The following LRRIQ1 variants were observed in gnomAD, a reference collection of about 807,000 sequenced individuals.
The protein encoded by LRRIQ1 is leucine-rich repeat- and IQ domain-containing protein 1.
LRRIQ1 carries 210 observed loss-of-function variants against 211.9 expected under a neutral mutation model. That is an observed-to-expected ratio of 0.99 (90% CI 0.89 to 1.11). The LOEUF is 1.11. LRRIQ1 is among the 50% of genes most tolerant of loss of function. The pLI, the probability that LRRIQ1 is intolerant of heterozygous loss-of-function variation, is 0.00. For missense variants in LRRIQ1, 2,136 were observed against 1,939.5 expected (o/e 1.10, Z -1.90); for synonymous variants, 699 against 650.1 (o/e 1.08, Z -1.14).
chr12:85,185,497 ATTTATAC>A (rs1565890063), intron 24 of LRRIQ1, among the ~76,000 whole-genome samples: 2 of 151,926 alleles, frequency 1.3e-5, no homozygotes, highest in Admixed American at 6.6e-5. Context: ...CAGAAATAAA[ATTTATAC>A]CATAATAATA....
At position 85,121,848 on chromosome 12, in the gene LRRIQ1, C is replaced by T. The variant is rs1592836237; in HGVS notation, c.3529C>T (p.Leu1177=). The change falls in exon 16 of 27, where the codon CTA becomes TTA. Residue 1177 remains leucine (L), a synonymous_variant. Transcript: ENST00000393217. ...CQSQIREFNL[L]IENYITGKGD... is the part of the protein sequence containing the mutation. ...GTCTCAGATTCGAGAATTCAACTTG[C>T]TAATTGAAAATTATATAACTGGAAA... 6.2e-7 allele frequency: 1 copy of T among 1,606,024 alleles called. No individual in the cohort carries two copies. Among genetic ancestry groups the T allele is most frequent in the East Asian group, 2.2e-5 (1 of 44,560 alleles).
chr12:85,071,207 C>T lies in LRRIQ1; in HGVS notation c.2696-1700C>T, dbSNP rs184912212. ...ATGTGGAATTTTTGTATAATATGTA[C>T]ATATATAATACGTAAAACATATATA... On this transcript the variant is annotated intron_variant, in intron 10 of 26. Transcript: ENST00000393217. Among the ~76,000 whole-genome samples, 844 of 151,872 alleles carry T rather than the reference C, an allele frequency of 5.6e-3. 5 individuals are homozygous for T. Among genetic ancestry groups the T allele is most frequent in the Non-Finnish European group, 6.8e-3 (464 of 67,882 alleles).
At chr12:85,209,913 G>A (rs1893754487) in intron 24 of LRRIQ1, among the ~76,000 whole-genome samples, 1 of 151,930 alleles carries the variant, frequency 6.6e-6, no homozygotes, top group African/African-American at 2.4e-5. Context: ...AAAGCCCATG[G>A]TATTTCCACT....
At chr12:85,152,407 G>C (rs1890303445) in intron 20 of LRRIQ1, 38 bp downstream of exon 20, 1 of 1,502,220 alleles carries the variant, frequency 6.7e-7, no homozygotes, top group African/African-American at 1.4e-5. Flanking sequence ...CTCGATCTTT[G>C]CTCATTTCTT....
At chr12:85,157,294 TGGA>T (rs957389356) in intron 23 of LRRIQ1, among the ~76,000 whole-genome samples, 2 of 151,534 alleles carry the variant, frequency 1.3e-5, no homozygotes, top group African/African-American at 4.8e-5. Context: ...AGGAGGAGGG[TGGA>T]GAAGGAAGAG....
At chr12:85,205,140 G>A (rs528970665) in intron 24 of LRRIQ1, among the ~76,000 whole-genome samples, 5 of 152,112 alleles carry the variant, frequency 3.3e-5, no homozygotes, top group African/African-American at 7.2e-5. Flanking sequence ...CTCTTTGCCC[G>A]CTGCCATCCA....
intron 10 of LRRIQ1, 28 bp from the exon 11 acceptor site, chr12:85,072,879 T>C (rs1001502679): frequency 2.0e-6 from 3 of 1,523,022 alleles, no homozygotes; most frequent in Non-Finnish European, 1.8e-6. Context: ...TCTTATATAT[T>C]TGGTCTTAAT....
intron 18 of LRRIQ1, among the ~76,000 whole-genome samples, chr12:85,130,606 A>G (rs1888682457): frequency 6.6e-6 from 1 of 152,174 alleles, no homozygotes; most frequent in African/African-American, 2.4e-5. Flanking sequence ...TCTCTTTTGT[A>G]CATCCTATTA....
chr12:85,162,806 C>T, intron 24 of LRRIQ1: 1 of 455,868 alleles, frequency 2.2e-6, no homozygotes, highest in Non-Finnish European at 4.4e-6. Context: ...AGGTAAAGTA[C>T]ATTTGGCATT....
chr12:85,217,496 ATATATATATATATGTGTGTGTGTGTGTG>A (rs1236908341), intron 24 of LRRIQ1, among the ~76,000 whole-genome samples: 6 of 78,330 alleles, frequency 7.7e-5, no homozygotes, highest in Middle Eastern at 5.7e-3. Flanking sequence ...ATATATGTAT[ATATATATATATATGTGTGTGTGTGTGTG>A]TGTGTGTGTG....
At chr12:85,178,301 C>T (rs1891815864) in intron 24 of LRRIQ1, among the ~76,000 whole-genome samples, 2 of 152,014 alleles carry the variant, frequency 1.3e-5, no homozygotes, top group African/African-American at 4.8e-5. Flanking sequence ...AATATGTAGA[C>T]AAGCTGTAAT....
chr12:85,111,815 GA>G (rs1354379915), intron 15 of LRRIQ1, among the ~76,000 whole-genome samples: 1 of 151,886 alleles, frequency 6.6e-6, no homozygotes, highest in Non-Finnish European at 1.5e-5. Flanking sequence ...TAGAGTCCAG[GA>G]ATTATAAAGG....
chr12:85,154,018 T>C lies in LRRIQ1; in HGVS notation c.4644T>C (p.Phe1548=). 1 of 1,555,228 alleles carries C rather than the reference T, an allele frequency of 6.4e-7. No individual in the cohort carries two copies. Among genetic ancestry groups the C allele is most frequent in the Non-Finnish European group, 8.7e-7 (1 of 1,152,940 alleles). The change falls in exon 23 of 27, where the codon TTT becomes TTC. Residue 1548 remains phenylalanine, a synonymous_variant. Transcript: ENST00000393217. ...KEKKISEEWG[F]KDISTAQQML... is the part of the protein sequence containing the mutation. ...ATATTTAATCTTTTAATAGGGGCTT[T>C]AAGGATATTTCTACTGCTCAGCAAA... is the stretch of plus-strand genomic sequence containing the variant.
chr12:85,102,959 A>AATATATATATATATATATATAT (rs1197049295), intron 13 of LRRIQ1, among the ~76,000 whole-genome samples: 1 of 108,502 alleles, frequency 9.2e-6, no homozygotes, highest in African/African-American at 4.2e-5. Flanking sequence ...AAAAAAAAAA[A>AATATATATATATATATATATAT]ATATATATAT....
intron 24 of LRRIQ1, among the ~76,000 whole-genome samples, chr12:85,174,898 A>T (rs1323205815): frequency 6.6e-6 from 1 of 151,956 alleles, no homozygotes; most frequent in Non-Finnish European, 1.5e-5. Flanking sequence ...ATATTTGAAA[A>T]ATGTCATAAA....
At position 85,053,744 on chromosome 12, in the gene LRRIQ1, G is replaced by A. The variant is rs1236702127; in HGVS notation, c.753+1493G>A. Reference sequence around the variant, plus strand: ...GTTTTTTAAGATGGAGTCTCGCTCCGTCGCCCAGGCTGGAGTGCAGTGGCG... The same window carrying A: ...GTTTTTTAAGATGGAGTCTCGCTCCATCGCCCAGGCTGGAGTGCAGTGGCG... On this transcript the variant is annotated intron_variant, in intron 7 of 26. Transcript: ENST00000393217. Among the ~76,000 whole-genome samples the A allele has an allele frequency of 7.2e-5, 11 of 152,244 alleles. No homozygotes were observed. The South Asian group carries it at 1.0e-3, about 14-fold the overall frequency.
rs1565910014 is a variant in LRRIQ1, at chr12:85,217,622, A to ATATATATGTG, written c.4823-11890_4823-11889insATGTGTATAT. ...TATATGTATATGTGTATATATATGT[A>ATATATATGTG]TATATGTATATATGTATATATATGT... On this transcript the variant is annotated intron_variant, in intron 24 of 26. Transcript: ENST00000393217. Among the ~76,000 whole-genome samples, 48 of 136,008 alleles carry ATATATATGTG rather than the reference A, an allele frequency of 3.5e-4. 2 individuals carry two copies. The highest frequency in any genetic ancestry group is 1.2e-3 in the African/African-American group (42 of 33,750). The allele number at this position is 136,008 out of a possible 152,430, so 89.2% of individuals were successfully genotyped here.
chr12:85,117,089 A>G lies in LRRIQ1; in HGVS notation c.3378-4608A>G, dbSNP rs150707623. On this transcript the variant is annotated intron_variant, in intron 15 of 26. Coordinates refer to ENST00000393217, the MANE Select transcript of LRRIQ1 (RefSeq NM_001079910.2). ...CTGATACAGTAGTTCATAAACAGTC[A>G]TTTCGGAAACACTGCCCTGCAGTGT... Among the ~76,000 whole-genome samples the G allele has an allele frequency of 5.1e-4, 77 of 152,292 alleles. 1 individual carries two copies. Among genetic ancestry groups the G allele is most frequent in the African/African-American group, 1.6e-3 (68 of 41,566 alleles).
At chr12:85,271,828 C>T in the LRRIQ1 span, among the ~76,000 whole-genome samples, 1 of 152,102 alleles carries the variant, frequency 6.6e-6, no homozygotes, top group Non-Finnish European at 1.5e-5. Flanking sequence ...TATCATGCTA[C>T]CTTTGCCCAA....
Sources: gnomAD v4.1 joint callset for allele counts (sites outside exome capture counted in the v4.1 genomes callset) on GRCh38, gnomAD v4.1.1 for gene constraint, MANE v1.5 for transcripts, NCBI Gene and HGNC (gene_info 2026-07-23, HGNC 2026-07-21) for gene names.